The following CFAP299 variants were observed in gnomAD, a reference collection of about 807,000 sequenced individuals.
CFAP299 encodes the protein cilia- and flagella-associated protein 299.
CFAP299 carries 21 observed loss-of-function variants against 27.0 expected under a neutral mutation model. The ratio of observed to expected loss-of-function variants is 0.78; its 90% CI spans 0.55 to 1.12. The LOEUF is 1.12. Ranked by LOEUF, CFAP299 falls within the 50% of genes most tolerant of loss-of-function variation. CFAP299 has a pLI of 0.00. For missense variants in CFAP299, 310 were observed against 276.6 expected, an observed-to-expected ratio of 1.12 and a Z score of -0.86; for synonymous variants, 104 against 98.1, an observed-to-expected ratio of 1.06 and a Z score of -0.36.
chr4:80,645,369 T>C (rs36051613), intron 3 of CFAP299, among the ~76,000 whole-genome samples: 92,243 of 151,648 alleles, frequency 0.61, 31,967 homozygotes, highest in Non-Finnish European at 0.77. Flanking sequence ...TAGTTTTTTC[T>C]TTTTTAAATG....
At chr4:80,542,307 G>C (rs1365805130) in intron 2 of CFAP299, among the ~76,000 whole-genome samples, 1 of 152,134 alleles carries the variant, frequency 6.6e-6, no homozygotes, top group Non-Finnish European at 1.5e-5. Context: ...ACATCACCTT[G>C]TAATCATCAG....
At chr4:80,612,195 T>A (rs1293842523) in intron 3 of CFAP299, among the ~76,000 whole-genome samples, 2 of 152,052 alleles carry the variant, frequency 1.3e-5, no homozygotes, top group East Asian at 3.8e-4. Flanking sequence ...AGTATATAAT[T>A]TCTCTATTTT....
chr4:80,940,149 G>A (rs1737119767), intron 4 of CFAP299, among the ~76,000 whole-genome samples: 1 of 152,094 alleles, frequency 6.6e-6, no homozygotes, highest in African/African-American at 2.4e-5. Context: ...GAGCTCACGG[G>A]TGGGCCTCTT....
intron 3 of CFAP299, among the ~76,000 whole-genome samples, chr4:80,719,413 T>G (rs1405408114): frequency 2.0e-5 from 3 of 152,234 alleles, no homozygotes; most frequent in Non-Finnish European, 4.4e-5. Context: ...AGGGTAATTC[T>G]ATGCTTAACT....
chr4:80,331,849 A>G (rs564324422), upstream of CFAP299, among the ~76,000 whole-genome samples: 5 of 152,320 alleles, frequency 3.3e-5, no homozygotes, highest in South Asian at 2.1e-4. Context: ...AAGTAAAGCA[A>G]TAAGTGTGGG....
Position 80,390,773 on chromosome 4 carries a change from A to G in CFAP299, c.242+27889A>G, listed in dbSNP as rs1032926834. On this transcript the variant is annotated intron_variant, in intron 2 of 5. Transcript: ENST00000358105. Reference sequence around the variant, plus strand: ...TATACACACATATGTATATATGTATATATACATATACACATATATGTATAT... The same window carrying G: ...TATACACACATATGTATATATGTATGTATACATATACACATATATGTATAT... 2.1e-5 allele frequency among the ~76,000 whole-genome samples: 3 copies of G among 145,232 alleles called. No homozygotes were observed. In the East Asian group the frequency reaches 6.0e-4, roughly 29 times the overall value.
intron 3 of CFAP299, among the ~76,000 whole-genome samples, chr4:80,847,496 G>A (rs926415038): frequency 6.6e-6 from 1 of 152,170 alleles, no homozygotes; most frequent in African/African-American, 2.4e-5. Context: ...ATAGCTCCAG[G>A]TTCATGCAAT....
At chr4:80,705,685 G>C (rs962557742) in intron 3 of CFAP299, among the ~76,000 whole-genome samples, 1 of 151,806 alleles carries the variant, frequency 6.6e-6, no homozygotes, top group African/African-American at 2.4e-5. Flanking sequence ...GGGAACACTG[G>C]ACTGCTTTCC....
intron 3 of CFAP299, chr4:80,790,653 T>A (rs1276802995): frequency 6.6e-6 from 1 of 152,082 alleles, no homozygotes; most frequent in African/African-American, 2.4e-5. Flanking sequence ...GTTCCTACTA[T>A]GCTGGCATCC....
chr4:80,407,688 A>G (rs1726503352), intron 2 of CFAP299, among the ~76,000 whole-genome samples: 1 of 152,184 alleles, frequency 6.6e-6, no homozygotes, highest in Non-Finnish European at 1.5e-5. Flanking sequence ...TGTATTGCAA[A>G]AGGTGTAGAT....
chr4:80,963,522 G>A lies in CFAP299; in HGVS notation c.612G>A (p.Gln204=), dbSNP rs776214275. ...ATGTAATTTATGTATTTTAGGCGCA[G>A]CCAGGTGACAACTCTACTAGAATCA... ...RKILNVDPKA[Q]PGDNSTRITI... The change falls in exon 6 of 6, where the codon CAG becomes CAA. Residue 204 remains glutamine (Q), a synonymous_variant. Transcript: ENST00000358105. The A allele has an allele frequency of 2.6e-5, 42 of 1,589,936 alleles. 1 individual carries two copies. In the South Asian group the frequency reaches 3.9e-4, roughly 15 times the overall value.
intron 3 of CFAP299, among the ~76,000 whole-genome samples, chr4:80,618,447 TC>T (rs1450608545): frequency 6.6e-6 from 1 of 152,098 alleles, no homozygotes; most frequent in Non-Finnish European, 1.5e-5. Flanking sequence ...TTCAAGTTTA[TC>T]AGGTATTCTT....
chr4:80,620,325 G>T (rs147772881), intron 3 of CFAP299, among the ~76,000 whole-genome samples: 1 of 152,012 alleles, frequency 6.6e-6, no homozygotes, highest in Non-Finnish European at 1.5e-5. Context: ...AACTTTTTAT[G>T]GGTAGCAAAT....
At chr4:80,784,510 T>C (rs528090228) in intron 3 of CFAP299, among the ~76,000 whole-genome samples, 1 of 152,012 alleles carries the variant, frequency 6.6e-6, no homozygotes, top group Non-Finnish European at 1.5e-5. Flanking sequence ...TCTTTCTTTT[T>C]TTTCTTTTCT....
intron 3 of CFAP299, among the ~76,000 whole-genome samples, chr4:80,696,086 G>A (rs1244179580): frequency 6.6e-6 from 1 of 152,090 alleles, no homozygotes; most frequent in Non-Finnish European, 1.5e-5. Flanking sequence ...TGGATCATGA[G>A]GTCAGACATT....
At chr4:80,718,711 A>G (rs1722632654) in intron 3 of CFAP299, among the ~76,000 whole-genome samples, 1 of 152,134 alleles carries the variant, frequency 6.6e-6, no homozygotes, top group South Asian at 2.1e-4. Context: ...AAATTTTTAA[A>G]AAGTCCTTTC....
At chr4:80,865,874 A>G (rs1463341850) in intron 3 of CFAP299, among the ~76,000 whole-genome samples, 1 of 118,964 alleles carries the variant, frequency 8.4e-6, no homozygotes, top group Non-Finnish European at 1.7e-5. Flanking sequence ...AACAATGAAA[A>G]CACTTGGACA....
intron 2 of CFAP299, among the ~76,000 whole-genome samples, chr4:80,475,419 G>A (rs1017631136): frequency 3.3e-5 from 5 of 152,132 alleles, no homozygotes; most frequent in African/African-American, 1.2e-4. Flanking sequence ...GATTTCTTTG[G>A]AAATAGAGTG....
At chr4:80,536,677 G>C (rs1213903382) in intron 2 of CFAP299, among the ~76,000 whole-genome samples, 1 of 152,052 alleles carries the variant, frequency 6.6e-6, no homozygotes, top group Non-Finnish European at 1.5e-5. Context: ...GAATGAAAAT[G>C]GACTGTCATC....
Sources: allele counts gnomAD v4.1 joint callset (sites outside exome capture counted in the v4.1 genomes callset), GRCh38; gene constraint gnomAD v4.1.1; transcripts MANE v1.5; gene names NCBI Gene and HGNC (gene_info 2026-07-23, HGNC 2026-07-21).